ENPP2: variants seen among roughly 807,000 people sequenced by gnomAD.
The protein encoded by ENPP2 is autotaxin.
ENPP2 carries 51 observed loss-of-function variants against 120.2 expected under a neutral mutation model. The observed-to-expected ratio is 0.42, with a 90% CI of 0.34 to 0.54. The LOEUF is 0.54. ENPP2 is among the 20% of genes least tolerant of loss of function. The probability of loss-of-function intolerance (pLI) is 0.04; values close to 1 mark genes in which losing one functional copy is unlikely to be tolerated. For synonymous variants in ENPP2, 365 were observed against 366.4 expected (o/e 1.00, Z 0.04); for missense variants, 920 against 1,066.5 (o/e 0.86, Z 1.91).
At chr8:119,649,150 T>C (rs1379476619) in intron 1 of ENPP2, among the ~76,000 whole-genome samples, 1 of 151,636 alleles carries the variant, frequency 6.6e-6, no homozygotes, top group African/African-American at 2.4e-5. Flanking sequence ...TCCCAGCAAT[T>C]TGGGAGGCGG....
chr8:119,649,731 T>C (rs1332765469), intron 1 of ENPP2, among the ~76,000 whole-genome samples: 2 of 152,216 alleles, frequency 1.3e-5, no homozygotes, highest in East Asian at 3.8e-4. Context: ...ATAATCCAAT[T>C]TTTAAAAAAT....
intron 13 of ENPP2, among the ~76,000 whole-genome samples, chr8:119,588,849 A>G (rs1472807483): frequency 6.6e-6 from 1 of 152,212 alleles, no homozygotes; most frequent in Non-Finnish European, 1.5e-5. Flanking sequence ...CAATCCTTCA[A>G]TTCTGAAGAA....
chr8:119,621,044 T>C (rs1157922096), intron 4 of ENPP2, among the ~76,000 whole-genome samples: 1 of 152,246 alleles, frequency 6.6e-6, no homozygotes, highest in Non-Finnish European at 1.5e-5. Context: ...TCCTCCGACA[T>C]GGTTTTCCTG....
chr8:119,586,417 G>T, intron 14 of ENPP2, 104 bp from the exon 15 acceptor site: 1 of 951,064 alleles, frequency 1.1e-6, no homozygotes, highest in Admixed American at 2.2e-5. Flanking sequence ...CCTAACCAAA[G>T]GTTAATGAGT....
intron 3 of ENPP2, among the ~76,000 whole-genome samples, chr8:119,621,788 C>T (rs961960072): frequency 1.2e-4 from 18 of 152,146 alleles, no homozygotes; most frequent in African/African-American, 1.7e-4. Flanking sequence ...AGTATCCCTA[C>T]GATTCTCGAA....
intron 17 of ENPP2, among the ~76,000 whole-genome samples, chr8:119,583,285 A>T (rs1438210976): frequency 1.3e-5 from 2 of 152,210 alleles, no homozygotes; most frequent in Non-Finnish European, 2.9e-5. Context: ...AGTTGTCCTC[A>T]TTCAGCAACT....
intron 1 of ENPP2, among the ~76,000 whole-genome samples, chr8:119,662,004 A>G (rs1817934518): frequency 6.6e-6 from 1 of 152,156 alleles, no homozygotes; most frequent in South Asian, 2.1e-4. Flanking sequence ...GATGGTGGTT[A>G]CAGAGCCTAG....
intron 12 of ENPP2, among the ~76,000 whole-genome samples, chr8:119,591,537 T>A (rs1813504992): frequency 6.6e-6 from 1 of 152,206 alleles, no homozygotes; most frequent in African/African-American, 2.4e-5. Flanking sequence ...TATTGCTCAG[T>A]ACAATTCAGT....
intron 12 of ENPP2, among the ~76,000 whole-genome samples, chr8:119,591,542 T>G (rs757799513): frequency 2.0e-5 from 3 of 152,182 alleles, no homozygotes; most frequent in Non-Finnish European, 4.4e-5. Flanking sequence ...CTCAGTACAA[T>G]TCAGTATGTA....
chr8:119,671,032 A>G (rs1374111987), intron 1 of ENPP2, among the ~76,000 whole-genome samples: 2 of 151,812 alleles, frequency 1.3e-5, no homozygotes, highest in Non-Finnish European at 2.9e-5. Flanking sequence ...CACGCCTGTA[A>G]TCCTAGCATT....
chr8:119,571,759 AT>A (rs1815003217), intron 19 of ENPP2: 1 of 153,280 alleles, frequency 6.5e-6, no homozygotes, highest in Admixed American at 6.5e-5. Flanking sequence ...TTAAAAAAAA[AT>A]AAATTCTTGT....
At chr8:119,601,704 A>G (rs1024237185) in intron 9 of ENPP2, among the ~76,000 whole-genome samples, 2 of 152,210 alleles carry the variant, frequency 1.3e-5, no homozygotes, top group Admixed American at 6.5e-5. Context: ...ATTCACAGTC[A>G]GAATGAGGAA....
chr8:119,625,106 C>G (rs940908562), intron 3 of ENPP2, among the ~76,000 whole-genome samples: 14 of 152,136 alleles, frequency 9.2e-5, no homozygotes, highest in Admixed American at 2.0e-4. Flanking sequence ...TTTGATATGA[C>G]ATGCCACAGA....
At chr8:119,650,020 T>C (rs553000762) in intron 1 of ENPP2, among the ~76,000 whole-genome samples, 18 of 152,324 alleles carry the variant, frequency 1.2e-4, no homozygotes, top group African/African-American at 4.1e-4. Flanking sequence ...AAAGTTCCAC[T>C]CTTATGTATA....
At chr8:119,600,520 A>AT (rs888262876) in intron 11 of ENPP2, among the ~76,000 whole-genome samples, 158 bp downstream of exon 11, 4 of 152,336 alleles carry the variant, frequency 2.6e-5, no homozygotes, top group Non-Finnish European at 5.9e-5. Context: ...TCGTTTTAAG[A>AT]TTTTTTAAAA....
At chr8:119,613,349 C>T (rs1282327519) in intron 8 of ENPP2, among the ~76,000 whole-genome samples, 2 of 152,128 alleles carry the variant, frequency 1.3e-5, no homozygotes, top group South Asian at 2.1e-4. Context: ...TTTCGGAAGA[C>T]GCCTATTTAG....
intron 9 of ENPP2, among the ~76,000 whole-genome samples, chr8:119,605,310 G>A (rs983660709): frequency 6.6e-6 from 1 of 151,930 alleles, no homozygotes; most frequent in African/African-American, 2.4e-5. Context: ...GTGCTCAAGC[G>A]ATCCACCTGC....
At chr8:119,611,878 T>A (rs1815133582) in intron 8 of ENPP2, among the ~76,000 whole-genome samples, 1 of 151,744 alleles carries the variant, frequency 6.6e-6, no homozygotes, top group Admixed American at 6.6e-5. Flanking sequence ...TACAAAAAAA[T>A]TTTATCTGGG....
chr8:119,572,307 T>C, intron 19 of ENPP2: 1 of 1,288,594 alleles, frequency 7.8e-7, no homozygotes, highest in Non-Finnish European at 1.1e-6. Flanking sequence ...ATCATTTAAG[T>C]TTTCATGGTT....
Sources: gnomAD v4.1 joint callset for allele counts (sites outside exome capture counted in the v4.1 genomes callset) on GRCh38, gnomAD v4.1.1 for gene constraint, MANE v1.5 for transcripts, NCBI Gene and HGNC (gene_info 2026-07-23, HGNC 2026-07-21) for gene names.